Variants in HMCN1 observed in about 807,000 individuals in gnomAD.
HMCN1 encodes hemicentin 1.
Under a neutral mutation model 625.9 loss-of-function variants are expected in HMCN1, and 321 were observed. That is an observed-to-expected ratio of 0.51 (90% CI 0.47 to 0.56). The LOEUF is 0.56. Ranked by LOEUF, HMCN1 falls within the 20% of genes least tolerant of loss-of-function variation. The pLI is 0.00. For synonymous variants in HMCN1, 2,425 were observed against 2,417.6 expected (o/e 1.00, Z -0.09); for missense variants, 6,588 against 6,887.3 (o/e 0.96, Z 1.54).
At chr1:185,988,957 T>G (rs1652189980) in intron 20 of HMCN1, among the ~76,000 whole-genome samples, 1 of 151,852 alleles carries the variant, frequency 6.6e-6, no homozygotes, top group Non-Finnish European at 1.5e-5. Context: ...TAAGTAGCTC[T>G]GGAATGAAAA....
At chr1:185,958,388 G>A (rs569285221) in intron 11 of HMCN1, among the ~76,000 whole-genome samples, 1 of 152,144 alleles carries the variant, frequency 6.6e-6, no homozygotes, top group Admixed American at 6.5e-5. Context: ...GAAAATGCTG[G>A]GATTACAAGC....
At chr1:186,175,578 T>C (rs562557454) in intron 103 of HMCN1, among the ~76,000 whole-genome samples, 2 of 152,328 alleles carry the variant, frequency 1.3e-5, no homozygotes, top group Non-Finnish European at 2.9e-5. Flanking sequence ...TTATCATTTA[T>C]ATATAGTTTA....
chr1:185,814,372 G>A lies in HMCN1; in HGVS notation c.269-31654G>A, dbSNP rs561499140. ...AAACAGAGTTGGTGGGATACTTCCC[G>A]ATGTATACTGGTTTTCATGAGACAT... On this transcript the variant is annotated intron_variant, in intron 1 of 106. Coordinates refer to ENST00000271588, the MANE Select transcript of HMCN1 (RefSeq NM_031935.3). Among the ~76,000 whole-genome samples, 348 of 152,176 alleles carry A rather than the reference G, an allele frequency of 2.3e-3. 2 individuals are homozygous for A. Among genetic ancestry groups the A allele is most frequent in the Non-Finnish European group, 2.9e-3 (200 of 67,990 alleles).
rs73058379 is a variant in HMCN1 at position 185,745,406 on chromosome 1, T to C, written c.268+10359T>C. Among the ~76,000 whole-genome samples the C allele has an allele frequency of 9.1e-3, 1,388 of 152,316 alleles. 17 individuals carry two copies. The highest frequency in any genetic ancestry group is 0.032 in the African/African-American group (1,333 of 41,552). ...ATAAATATGTAATGATGTCATTACATATTTGGATCATAATATTAACTCTGC... is the reference window on the plus strand; with the variant it reads ...ATAAATATGTAATGATGTCATTACACATTTGGATCATAATATTAACTCTGC... On this transcript the variant is annotated intron_variant, in intron 1 of 106. Transcript: ENST00000271588.
intron 1 of HMCN1, among the ~76,000 whole-genome samples, chr1:185,780,779 T>C (rs1292565234): frequency 1.3e-5 from 2 of 152,220 alleles, no homozygotes; most frequent in African/African-American, 4.8e-5. Context: ...TTTGCATCGA[T>C]GTTGATCAAG....
intron 2 of HMCN1, among the ~76,000 whole-genome samples, chr1:185,859,662 A>T (rs1246475363): frequency 2.6e-5 from 4 of 151,390 alleles, no homozygotes; most frequent in African/African-American, 7.3e-5. Flanking sequence ...CATTTTATTT[A>T]TTATTATTAT....
At position 185,950,569 on chromosome 1, in the gene HMCN1, G is replaced by A. The variant is rs1159161003; in HGVS notation, c.1829-11949G>A. The stretch of plus-strand genomic sequence containing the variant: ...CAGTCGGACACAATTGGCAGGGAGA[G>A]CACGTGTGTTTTTATGAGAATTATG... On this transcript the variant is annotated intron_variant, in intron 11 of 106. Transcript: ENST00000271588. Among the ~76,000 whole-genome samples the A allele has an allele frequency of 2.6e-5, 4 of 151,802 alleles. 1 individual carries two copies. The highest frequency in any genetic ancestry group is 1.3e-4 in the Admixed American group (2 of 15,234).
intron 1 of HMCN1, among the ~76,000 whole-genome samples, chr1:185,786,736 A>G (rs1657595660): frequency 6.6e-6 from 1 of 152,228 alleles, no homozygotes; most frequent in Non-Finnish European, 1.5e-5. Flanking sequence ...TTTTACATAA[A>G]TCAAATATGG....
chr1:186,057,381 A>G lies in HMCN1; in HGVS notation c.7292A>G (p.Asn2431Ser). 1 of 1,609,570 alleles carries G rather than the reference A, an allele frequency of 6.2e-7. No individual in the cohort carries two copies. The highest frequency in any genetic ancestry group is 8.5e-7 in the Non-Finnish European group (1 of 1,176,300). The change falls in exon 46 of 107, where the codon AAT becomes AGT. Residue 2431 changes from asparagine (N) to serine (S), a missense_variant. This residue lies in a region of HMCN1 where 4,628 missense variants were observed against 4,853.1 expected (regional missense o/e 0.95). Coordinates refer to ENST00000271588, the MANE Select transcript of HMCN1 (RefSeq NM_031935.3). Reference sequence around the variant, plus strand: ...GATGGGTGGCCTGTCAGCCTTAGCAATTCTGTGAGGATTCTTTCAGGTATT... The same window carrying G: ...GATGGGTGGCCTGTCAGCCTTAGCAGTTCTGTGAGGATTCTTTCAGGTATT... ...FKDGWPVSLS[N>S]SVRILSGGRM...
intron 86 of HMCN1, among the ~76,000 whole-genome samples, chr1:186,133,819 T>A (rs1455485963): frequency 6.8e-6 from 1 of 147,418 alleles, no homozygotes; most frequent in Non-Finnish European, 1.5e-5. Context: ...TGAGAAAAAA[T>A]GAATTAAACA....
chr1:185,812,723 C>T (rs1481285908), intron 1 of HMCN1, among the ~76,000 whole-genome samples: 1 of 152,098 alleles, frequency 6.6e-6, no homozygotes, highest in Non-Finnish European at 1.5e-5. Flanking sequence ...ATTTAGTTAT[C>T]CAGCAGGTTG....
At chr1:185,797,516 A>G (rs1425681135) in intron 1 of HMCN1, among the ~76,000 whole-genome samples, 1 of 152,212 alleles carries the variant, frequency 6.6e-6, no homozygotes, top group East Asian at 1.9e-4. Flanking sequence ...TATATTGCCC[A>G]GGCTGGTCTT....
Position 186,000,079 on chromosome 1 carries a change from T to C in HMCN1, c.3909T>C (p.Asn1303=), listed in dbSNP as rs539335077. Reference sequence around the variant, plus strand: ...AACCAACCATCAAATGGTTACACAATGGTAGAGAGTTGACAGGCAGAGAGC... The same window carrying C: ...AACCAACCATCAAATGGTTACACAACGGTAGAGAGTTGACAGGCAGAGAGC... ...TPKPTIKWLH[N]GRELTGREPG... The change falls in exon 26 of 107, where the codon AAT becomes AAC. Residue 1303 remains asparagine (N), a synonymous_variant. Coordinates refer to ENST00000271588, the MANE Select transcript of HMCN1 (RefSeq NM_031935.3). 1 of 1,613,020 alleles carries C rather than the reference T, an allele frequency of 6.2e-7. No individual in the cohort carries two copies. Among genetic ancestry groups the C allele is most frequent in the East Asian group, 2.2e-5 (1 of 44,824 alleles).
chr1:186,128,714 T>C (rs1192267699), intron 83 of HMCN1, among the ~76,000 whole-genome samples: 1 of 152,002 alleles, frequency 6.6e-6, no homozygotes, highest in African/African-American at 2.4e-5. Flanking sequence ...CAACCTCTAT[T>C]ATAGTGTAGA....
At chr1:185,782,988 A>G (rs951737556) in intron 1 of HMCN1, among the ~76,000 whole-genome samples, 2 of 152,210 alleles carry the variant, frequency 1.3e-5, no homozygotes, top group Non-Finnish European at 2.9e-5. Flanking sequence ...TACACCAATC[A>G]GACGCACATT....
chr1:185,746,044 C>T (rs527572149), intron 1 of HMCN1, among the ~76,000 whole-genome samples: 1 of 152,264 alleles, frequency 6.6e-6, no homozygotes, highest in African/African-American at 2.4e-5. Context: ...TAGTTTTAAG[C>T]AGGAGAAGTT....
chr1:185,974,489 C>T (rs1308529717), intron 15 of HMCN1, among the ~76,000 whole-genome samples: 1 of 152,094 alleles, frequency 6.6e-6, no homozygotes, highest in Non-Finnish European at 1.5e-5. Flanking sequence ...TTTGAAGCCA[C>T]TTAGTGTGCT....
chr1:186,139,367 AT>A (rs1394584065), intron 89 of HMCN1, among the ~76,000 whole-genome samples: 1 of 152,224 alleles, frequency 6.6e-6, no homozygotes, highest in Non-Finnish European at 1.5e-5. Flanking sequence ...GTCTTAAAGA[AT>A]TTGAAAGCTG....
rs778944028 is a variant in HMCN1, at chr1:185,734,933, A to G, written c.154A>G (p.Met52Val). 3 of 1,613,938 alleles carry G rather than the reference A, an allele frequency of 1.9e-6. No homozygotes were observed. Among genetic ancestry groups the G allele is most frequent in the African/African-American group, 2.7e-5 (2 of 74,892 alleles). Residue 52 changes from methionine to valine, a missense_variant, in exon 1 of 107, where the codon ATG (methionine) becomes GTG (valine). Met to Val is a conservative substitution (Grantham distance 21). Around this residue, in one of 3 missense-constraint regions of HMCN1, gnomAD observed 4,628 missense variants for 4,853.1 expected, o/e 0.95. Transcript: ENST00000271588. ...TTTTGTGTTTGATGTGACTGGTTCT[A>G]TGTATGATGATTTAGTTCAGGTGAT... The part of the protein sequence containing the change: ...LAFVFDVTGS[M>V]YDDLVQVIEG...
Sources: allele counts gnomAD v4.1 joint callset (sites outside exome capture counted in the v4.1 genomes callset), GRCh38; gene constraint gnomAD v4.1.1; regional missense constraint gnomAD v4.1.1; transcripts MANE v1.5; gene names NCBI Gene and HGNC (gene_info 2026-07-23, HGNC 2026-07-21).